Variants in GSE1 observed in about 807,000 individuals in gnomAD.
GSE1 encodes Gse1 coiled-coil protein.
A neutral mutation model predicts 112.6 loss-of-function variants in GSE1; 32 were observed. That is an observed-to-expected ratio of 0.28 (90% CI 0.21 to 0.38). The LOEUF is 0.38. GSE1 is among the 10% of genes least tolerant of loss of function. The pLI is 1.00. For missense variants in GSE1, 2,348 were observed against 1,699.2 expected (o/e 1.38, Z -6.71); for synonymous variants, 1,115 against 735.6 (o/e 1.52, Z -8.35).
exon 1 of GSE1, chr16:85,171,656 C>G (rs935602414): frequency 2.0e-6 from 2 of 985,550 alleles, no homozygotes; most frequent in Non-Finnish European, 2.4e-6. Context: ...TTCCTATACA[C>G]CCTGCGAGCA....
At chr16:85,306,705 T>C (rs1255326258) in intron 1 of GSE1, among the ~76,000 whole-genome samples, 44 of 152,134 alleles carry the variant, frequency 2.9e-4, no homozygotes, top group Admixed American at 2.9e-3. Flanking sequence ...TGTGCCACCA[T>C]GCCTGGCTGT....
chr16:85,296,715 CTG>C (rs140719900), intron 1 of GSE1, among the ~76,000 whole-genome samples: 121 of 152,392 alleles, frequency 7.9e-4, no homozygotes, highest in Admixed American at 3.8e-3. Context: ...CTAACGCTGA[CTG>C]TGCACCGATT....
intron 2 of GSE1, among the ~76,000 whole-genome samples, chr16:85,518,077 G>T (rs1234947166): frequency 6.6e-6 from 1 of 152,212 alleles, no homozygotes; most frequent in Non-Finnish European, 1.5e-5. Context: ...AGGCGCGTCG[G>T]CTGGAACTGG....
At chr16:85,242,997 G>A (rs1325838005) in intron 1 of GSE1, among the ~76,000 whole-genome samples, 1 of 152,038 alleles carries the variant, frequency 6.6e-6, no homozygotes, top group African/African-American at 2.4e-5. Flanking sequence ...AATTTTTACA[G>A]AGATGGGGTC....
chr16:85,382,472 A>G (rs557090878), intron 2 of GSE1, among the ~76,000 whole-genome samples: 4 of 152,300 alleles, frequency 2.6e-5, no homozygotes, highest in Non-Finnish European at 5.9e-5. Context: ...AATCGCTCCC[A>G]GTCACACAGC....
chr16:85,303,045 C>A (rs1473342835), intron 1 of GSE1, among the ~76,000 whole-genome samples: 1 of 152,228 alleles, frequency 6.6e-6, no homozygotes, highest in African/African-American at 2.4e-5. Flanking sequence ...GGAGCCAGTC[C>A]TGTGGCCCCC....
chr16:85,506,425 G>C lies in GSE1; in HGVS notation c.2465-127489G>C, dbSNP rs545612798. On this transcript the variant is annotated intron_variant, in intron 2 of 2. Transcript: ENST00000637419. ...ATGGATGGCGTCCAAGCGTAGCCCTGAGGGATCTGGTGGGTCCACCAGGGA... is the reference window on the plus strand; with the variant it reads ...ATGGATGGCGTCCAAGCGTAGCCCTCAGGGATCTGGTGGGTCCACCAGGGA... Among the ~76,000 whole-genome samples, 7 of 152,274 alleles carry C rather than the reference G, an allele frequency of 4.6e-5. No homozygotes were observed. In the South Asian group the frequency reaches 1.5e-3, roughly 32 times the overall value.
At chr16:85,390,703 C>CT (rs1351029682) in intron 2 of GSE1, among the ~76,000 whole-genome samples, 4 of 15,464 alleles carry the variant, frequency 2.6e-4, no homozygotes, top group Non-Finnish European at 5.4e-4. Flanking sequence ...CCTTGTTCTG[C>CT]CCCCCCCACC....
intron 1 of GSE1, among the ~76,000 whole-genome samples, chr16:85,269,693 T>C (rs2144169235): frequency 6.7e-6 from 1 of 148,992 alleles, no homozygotes; most frequent in Admixed American, 6.7e-5. Flanking sequence ...GCCCAAGCCA[T>C]GGGGAAGGGG....
Position 85,170,450 on chromosome 16 carries a change from TG to T in GSE1, c.931del (p.Glu311ArgfsTer300). On this transcript the variant is annotated frameshift_variant, in exon 1 of 3. Coordinates refer to the GSE1 transcript ENST00000637419. LOFTEE classifies it high-confidence loss of function. ...ACTAAGACCCTGGAGAGCAGGCCGC[TG>T]GGGGAGACCCTACGGGGCTTCTGCA... 1 of 985,494 alleles carries T rather than the reference TG, an allele frequency of 1.0e-6. No homozygotes were observed. The highest frequency in any genetic ancestry group is 1.2e-6 in the Non-Finnish European group (1 of 830,016). 61.0% of individuals were successfully genotyped at this position (985,494 alleles called of 1,614,324 possible). A position where few individuals can be genotyped will look rare whatever the true frequency, so the allele number is the denominator to read the frequency against.
At chr16:85,456,641 G>GTGTGTGTGTGTGTGTGT (rs1567502079) in intron 2 of GSE1, among the ~76,000 whole-genome samples, 6 of 94,110 alleles carry the variant, frequency 6.4e-5, no homozygotes, top group African/African-American at 2.5e-4. Context: ...TGTGTGTGTG[G>GTGTGTGTGTGTGTGTGT]TCTGCCATTT....
In GSE1 at chr16:85,398,671, C is replaced by G. The variant is rs1193872769; in HGVS notation, c.2464+41028C>G. 2.6e-5 allele frequency among the ~76,000 whole-genome samples: 4 copies of G among 152,146 alleles called. No individual in the cohort carries two copies. The South Asian group carries it at 6.2e-4, about 24-fold the overall frequency. ...GCTATAAAGTGGGATAGGTTAGGATCGAGGGGCTCATTTCAGATGCTACAA... is the reference window on the plus strand; with the variant it reads ...GCTATAAAGTGGGATAGGTTAGGATGGAGGGGCTCATTTCAGATGCTACAA... On this transcript the variant is annotated intron_variant, in intron 2 of 2. Coordinates refer to the GSE1 transcript ENST00000637419.
chr16:85,547,998 C>T (rs1020125861), intron 2 of GSE1, among the ~76,000 whole-genome samples: 1 of 151,540 alleles, frequency 6.6e-6, no homozygotes, highest in South Asian at 2.1e-4. Context: ...GAGGCCGAGG[C>T]GGGCGGATCA....
At chr16:85,613,136 C>T (rs977069002), upstream of GSE1, 3 of 1,254,678 alleles carry the variant, frequency 2.4e-6, no homozygotes, top group Non-Finnish European at 3.1e-6. Context: ...GGCTGAAACC[C>T]GACACCTCCC....
At chr16:85,199,947 A>T (rs1198349425) in intron 1 of GSE1, among the ~76,000 whole-genome samples, 2 of 152,132 alleles carry the variant, frequency 1.3e-5, no homozygotes, top group Non-Finnish European at 2.9e-5. Flanking sequence ...CGAGGGGGAC[A>T]CATGAAACTC....
intron 1 of GSE1, among the ~76,000 whole-genome samples, chr16:85,321,776 G>C (rs1040495001): frequency 3.3e-5 from 5 of 150,978 alleles, no homozygotes; most frequent in African/African-American, 1.2e-4. Context: ...CTGGGTGACA[G>C]AGTGAGAGCC....
chr16:85,223,114 T>C (rs995680460), intron 1 of GSE1, among the ~76,000 whole-genome samples: 30 of 152,262 alleles, frequency 2.0e-4, no homozygotes, highest in African/African-American at 6.7e-4. Context: ...ATTTGTCTTA[T>C]CTCAGGAAGA....
chr16:85,313,653 C>T (rs1259949829), intron 1 of GSE1, among the ~76,000 whole-genome samples: 3 of 152,186 alleles, frequency 2.0e-5, no homozygotes, highest in African/African-American at 7.2e-5. Flanking sequence ...ATTCTGGAGC[C>T]TGCTCAGGCA....
Position 85,181,182 on chromosome 16 carries a change from G to C in GSE1, c.2283+9375G>C, listed in dbSNP as rs74034157. 7.8e-3 allele frequency among the ~76,000 whole-genome samples: 1,182 copies of C among 152,338 alleles called. 11 individuals are homozygous for C. Among genetic ancestry groups the C allele is most frequent in the Middle Eastern group, 0.041 (12 of 294 alleles). ...TCATCTGGGCTCCACGCTGACACCGGCTAACTTGGTGACCTTGGGCAGGGT... is the reference window on the plus strand; with the variant it reads ...TCATCTGGGCTCCACGCTGACACCGCCTAACTTGGTGACCTTGGGCAGGGT... On this transcript the variant is annotated intron_variant, in intron 1 of 2. Coordinates refer to the GSE1 transcript ENST00000637419.
Sources: allele counts gnomAD v4.1 joint callset (sites outside exome capture counted in the v4.1 genomes callset), GRCh38; gene constraint gnomAD v4.1.1; transcripts MANE v1.5; gene names NCBI Gene and HGNC (gene_info 2026-07-23, HGNC 2026-07-21).